The following CEP72 variants were observed in gnomAD, a reference collection of about 807,000 sequenced individuals.
CEP72 encodes centrosomal protein of 72 kDa.
A neutral mutation model predicts 65.7 loss-of-function variants in CEP72; 78 were observed. That is an observed-to-expected ratio of 1.19 (90% CI 0.99 to 1.43). The LOEUF is 1.43. Ranked by LOEUF, CEP72 falls within the 40% of genes most tolerant of loss-of-function variation. The pLI, the probability that CEP72 is intolerant of heterozygous loss-of-function variation, is 0.00. For missense variants in CEP72, 914 were observed against 832.9 expected (o/e 1.10, Z -1.20); for synonymous variants, 358 against 351.7 (o/e 1.02, Z -0.20).
intron 4 of CEP72, among the ~76,000 whole-genome samples, chr5:631,746 C>T (rs529126660): frequency 9.5e-5 from 7 of 73,448 alleles, no homozygotes; most frequent in African/African-American, 3.4e-4. Flanking sequence ...GGGTGCTGTC[C>T]AGTGCCGGGA....
chr5:619,095 G>T lies in CEP72; in HGVS notation c.188G>T (p.Arg63Leu), dbSNP rs138365408. The T allele has an allele frequency of 1.9e-6, 3 of 1,613,630 alleles. No individual in the cohort carries two copies. The highest frequency in any genetic ancestry group is 3.3e-5 in the Admixed American group (2 of 59,986). ...LTGLKSLDLS[R>L]NSLVSLEGIQ... Reference sequence around the variant, plus strand: ...GGTCTGAAATCTTTGGATCTCTCGCGCAACTCCTTGGTTAGTCTGGAGGTA... The same window carrying T: ...GGTCTGAAATCTTTGGATCTCTCGCTCAACTCCTTGGTTAGTCTGGAGGTA... The change falls in exon 2 of 12, where the codon CGC becomes CTC. Residue 63 changes from arginine (R) to leucine (L), a missense_variant. Physicochemically the swap from Arg to Leu is moderately radical, Grantham distance 102 (BLOSUM62 -2). Coordinates refer to ENST00000264935, the MANE Select transcript of CEP72 (RefSeq NM_018140.4).
chr5:669,619 G>A (rs545187420), downstream of CEP72, among the ~76,000 whole-genome samples: 12 of 151,746 alleles, frequency 7.9e-5, no homozygotes, highest in East Asian at 7.8e-4. Context: ...CCTTTCTGAC[G>A]GCCTCGGAGC....
intron 1 of CEP72, among the ~76,000 whole-genome samples, chr5:614,051 C>A (rs926863861): frequency 3.9e-5 from 6 of 152,184 alleles, no homozygotes; most frequent in Non-Finnish European, 8.8e-5. Context: ...ACAGGGATAT[C>A]CCTTTTCTGT....
Position 637,651 on chromosome 5 carries a change from G to A in CEP72, c.1039G>A (p.Asp347Asn). Residue 347 changes from aspartate to asparagine, a missense_variant, in exon 7 of 12, where the codon GAC becomes AAC. Physicochemically the swap from Asp to Asn is conservative, Grantham distance 23. Coordinates refer to ENST00000264935, the MANE Select transcript of CEP72 (RefSeq NM_018140.4). ...MPVGRFQTFS[D>N]QEGLGCPERT... is the part of the protein sequence containing the mutation. ...TGTTGGAAGATTCCAGACGTTTTCG[G>A]ACCAGGAGGGTTTGGGCTGCCCGGA... The A allele has an allele frequency of 6.2e-7, 1 of 1,614,018 alleles. No homozygotes were observed. The highest frequency in any genetic ancestry group is 8.5e-7 in the Non-Finnish European group (1 of 1,180,036).
At chr5:637,080 G>T (rs145519928) in intron 6 of CEP72, among the ~76,000 whole-genome samples, 1 of 152,128 alleles carries the variant, frequency 6.6e-6, no homozygotes, top group African/African-American at 2.4e-5. Flanking sequence ...CTTAGTGGTC[G>T]GTACAGTGCA....
chr5:670,551 G>C (rs1665219729), downstream of CEP72, among the ~76,000 whole-genome samples: 1 of 152,052 alleles, frequency 6.6e-6, no homozygotes, highest in Non-Finnish European at 1.5e-5. Flanking sequence ...CCTGGCTGCT[G>C]GGCCCCACGG....
downstream of CEP72, among the ~76,000 whole-genome samples, chr5:658,429 C>G (rs1454017688): frequency 3.0e-4 from 46 of 152,234 alleles, no homozygotes; most frequent in Non-Finnish European, 1.5e-5. Context: ...ATCTGCCTCC[C>G]GGGGACTCAG....
At chr5:675,482 A>AGTGTGGCCG in the CEP72 span, among the ~76,000 whole-genome samples, 1 of 91,136 alleles carries the variant, frequency 1.1e-5, no homozygotes, top group East Asian at 3.2e-4. Flanking sequence ...CAGTGTGGCC[A>AGTGTGGCCG]GGGGTACATT....
exon 5 of CEP72, chr5:667,114 G>A (rs891743568): frequency 6.6e-6 from 1 of 152,226 alleles, no homozygotes; most frequent in Admixed American, 6.5e-5. Flanking sequence ...TGAGCAGAGG[G>A]CCTAGAATAG....
the CEP72 span, chr5:676,245 G>GACACGCAGTCTAGGA: frequency 4.6e-5 from 7 of 152,320 alleles, no homozygotes. Context: ...AGCTCAGCAG[G>GACACGCAGTCTAGGA]ACACGCAGTC....
chr5:645,146 G>T lies in CEP72; in HGVS notation c.1666+721G>T, dbSNP rs1436915507. Among the ~76,000 whole-genome samples, 1 of 151,990 alleles carries T rather than the reference G, an allele frequency of 6.6e-6. No individual in the cohort carries two copies. On this transcript the variant is annotated intron_variant, in intron 10 of 11. Coordinates refer to ENST00000264935, the MANE Select transcript of CEP72 (RefSeq NM_018140.4). The surrounding 1 kb of genome is among the most constrained non-coding windows in gnomAD (Gnocchi z 4.0). Reference sequence around the variant, plus strand: ...GGGGCTCATGGACTTTTCCTCAAAGGCCAGGTAGTAACCGTTTCAGGGCGT... The same window carrying T: ...GGGGCTCATGGACTTTTCCTCAAAGTCCAGGTAGTAACCGTTTCAGGGCGT...
downstream of CEP72, among the ~76,000 whole-genome samples, chr5:671,226 C>A (rs568853119): frequency 2.1e-5 from 3 of 143,220 alleles, no homozygotes; most frequent in African/African-American, 5.1e-5. Flanking sequence ...GCGTTGCTGC[C>A]GGCCTTTTCG....
At chr5:660,358 G>A (rs1739537416), downstream of CEP72, 2 of 152,196 alleles carry the variant, frequency 1.3e-5, no homozygotes, top group African/African-American at 2.4e-5. Context: ...GAGGTCGAAA[G>A]AAAGAAGTAA....
downstream of CEP72, among the ~76,000 whole-genome samples, chr5:669,624 C>T (rs1258041633): frequency 1.3e-5 from 2 of 152,110 alleles, no homozygotes; most frequent in East Asian, 3.9e-4. Context: ...CTGACGGCCT[C>T]GGAGCCAGGC....
In CEP72 at chr5:612,812, T is replaced by G. The variant is rs533551344; in HGVS notation, c.82+369T>G. On this transcript the variant is annotated intron_variant, in intron 1 of 11. Coordinates refer to ENST00000264935, the MANE Select transcript of CEP72 (RefSeq NM_018140.4). Reference sequence around the variant, plus strand: ...TCTCCTGGGCCCACTCTGTGGTGATTGTTGCGCTCGGCCTTCTTGAGGATG... The same window carrying G: ...TCTCCTGGGCCCACTCTGTGGTGATGGTTGCGCTCGGCCTTCTTGAGGATG... Among the ~76,000 whole-genome samples, 7 of 152,370 alleles carry G rather than the reference T, an allele frequency of 4.6e-5. No homozygotes were observed. In the East Asian group the frequency reaches 1.3e-3, roughly 29 times the overall value.
rs1166318147 is a variant in CEP72 at position 612,371 on chromosome 5, G to T, written c.10G>T (p.Ala4Ser). 1.5e-5 allele frequency: 22 copies of T among 1,490,518 alleles called. No individual in the cohort carries two copies. Among genetic ancestry groups the T allele is most frequent in the Non-Finnish European group, 1.8e-5 (20 of 1,125,378 alleles). 92.3% of individuals were successfully genotyped at this position (1,490,518 alleles called of 1,614,324 possible). ...GGGCTCCGTTTGAAACATGGCGCGG[G>T]CTGGCCCTCGGCTGGTGCTGAGCGA... MAR[A>S]GPRLVLSEEA... Residue 4 changes from alanine to serine, a missense_variant, in exon 1 of 12, where the codon GCT becomes TCT. Coordinates refer to ENST00000264935, the MANE Select transcript of CEP72 (RefSeq NM_018140.4).
In CEP72 at chr5:652,996, T is replaced by G. The variant is rs749443693; in HGVS notation, c.1787T>G (p.Val596Gly). 2.5e-5 allele frequency: 41 copies of G among 1,610,568 alleles called. No individual in the cohort carries two copies. In the South Asian group the frequency reaches 4.4e-4, roughly 17 times the overall value. ...TCCCTGTTGTTCTGCAGCTCCCTGG[T>G]CAGCACCAATGAACACCTGCTGCAG... ...QMLQESHSSL[V>G]STNEHLLQEL... The change falls in exon 12 of 12, where the codon GTC (valine) becomes GGC (glycine). Residue 596 changes from valine (V) to glycine (G), a missense_variant. Transcript: ENST00000264935.
intron 11 of CEP72, among the ~76,000 whole-genome samples, chr5:650,115 C>G (rs1580030978): frequency 1.4e-5 from 1 of 73,384 alleles, no homozygotes; most frequent in Admixed American, 1.8e-4. Context: ...TGAGGTGTGA[C>G]TGTGAGGCGT....
chr5:617,327 T>A (rs1736059708), intron 1 of CEP72, among the ~76,000 whole-genome samples: 1 of 152,178 alleles, frequency 6.6e-6, no homozygotes, highest in African/African-American at 2.4e-5. Flanking sequence ...TTGAAATGTG[T>A]CCTCTCCATG....
Sources: gnomAD v4.1 joint callset for allele counts (sites outside exome capture counted in the v4.1 genomes callset) on GRCh38, gnomAD v4.1.1 for gene constraint, Gnocchi (gnomAD v3.1) non-coding constraint, MANE v1.5 for transcripts, NCBI Gene and HGNC (gene_info 2026-07-23, HGNC 2026-07-21) for gene names.